The following PI4KA variants were observed in gnomAD, a reference collection of about 807,000 sequenced individuals.
PI4KA encodes PI4-kinase alpha.
PI4KA carries 122 observed loss-of-function variants against 271.4 expected under a neutral mutation model. That is an observed-to-expected ratio of 0.45 (90% CI 0.39 to 0.52). The LOEUF (loss-of-function observed/expected upper bound fraction) is 0.52, where lower values mean the gene tolerates loss of function less well. PI4KA is among the 20% of genes least tolerant of loss of function. The pLI is 0.00. For synonymous variants in PI4KA, 1,041 were observed against 1,078.8 expected, an observed-to-expected ratio of 0.96 and a Z score of 0.69; for missense variants, 1,969 against 2,769.1, an observed-to-expected ratio of 0.71 and a Z score of 6.48.
At chr22:20,804,572 C>A (rs554494948) in intron 11 of PI4KA, among the ~76,000 whole-genome samples, 172 bp from the exon 12 acceptor site, 1 of 152,310 alleles carries the variant, frequency 6.6e-6, no homozygotes, top group South Asian at 2.1e-4. Context: ...CTCTTCTCCG[C>A]TGGCCCTAAG....
intron 47 of PI4KA, 96 bp from the exon 48 acceptor site, chr22:20,713,486 C>T (rs1461514439): frequency 1.5e-5 from 14 of 937,242 alleles, no homozygotes; most frequent in South Asian, 1.5e-4. Flanking sequence ...TGAAAGGAAC[C>T]CCAGCAATCT....
At chr22:20,819,484 T>C (rs1345688665) in intron 6 of PI4KA, among the ~76,000 whole-genome samples, 157 bp downstream of exon 6, 2 of 152,084 alleles carry the variant, frequency 1.3e-5, no homozygotes, top group Non-Finnish European at 2.9e-5. Flanking sequence ...CCCAACATCT[T>C]AAGAGGGACA....
chr22:20,739,648 G>A (rs1929174695), intron 32 of PI4KA, among the ~76,000 whole-genome samples: 1 of 152,138 alleles, frequency 6.6e-6, no homozygotes, highest in East Asian at 1.9e-4. Context: ...TCAAATACAA[G>A]AACAGACCAG....
chr22:20,798,527 T>C lies in PI4KA; in HGVS notation c.2108+57A>G, dbSNP rs1352654087. The C allele has an allele frequency of 2.8e-6, 3 of 1,069,740 alleles. No homozygotes were observed. The African/African-American group carries it at 4.7e-5, about 17-fold the overall frequency. 66.3% of individuals were successfully genotyped at this position (1,069,740 alleles called of 1,614,324 possible). On this transcript the variant is annotated intron_variant, in intron 17 of 54. Transcript: ENST00000255882. ...AAGAGACAAATTCACAAACCTCACA[T>C]TTTTAAAGTAAGTTAAATACTGTCA... is the stretch of plus-strand genomic sequence containing the variant.
chr22:20,784,221 G>A (rs371383837), intron 19 of PI4KA: 14 of 1,614,156 alleles, frequency 8.7e-6, no homozygotes, highest in Non-Finnish European at 1.2e-5. Context: ...GTGGTGGAGA[G>A]ATGGCAAAAA....
intron 1 of PI4KA, among the ~76,000 whole-genome samples, chr22:20,853,264 C>T (rs918495504): frequency 2.0e-5 from 3 of 152,086 alleles, no homozygotes; most frequent in Non-Finnish European, 4.4e-5. Context: ...CTCTCGGTAT[C>T]CCAGGATCGA....
chr22:20,821,411 G>C (rs540265868), intron 4 of PI4KA, among the ~76,000 whole-genome samples: 277 of 151,806 alleles, frequency 1.8e-3, no homozygotes, highest in African/African-American at 6.7e-3. Context: ...GTACAGACAG[G>C]GTTTCACCAT....
intron 33 of PI4KA, 53 bp from the exon 34 acceptor site, chr22:20,734,247 T>G: frequency 6.8e-7 from 1 of 1,478,896 alleles, no homozygotes. Flanking sequence ...GGGCTAACCC[T>G]GGGGCCGGCA....
chr22:20,844,041 A>AGG lies in PI4KA; in HGVS notation c.157-5311_157-5310insCC, dbSNP rs1601609429. Among the ~76,000 whole-genome samples, 8 of 152,310 alleles carry AGG rather than the reference A, an allele frequency of 5.3e-5. No homozygotes were observed. The East Asian group carries it at 1.5e-3, about 29-fold the overall frequency. On this transcript the variant is annotated intron_variant, in intron 1 of 54. Coordinates refer to ENST00000255882, the MANE Select transcript of PI4KA (RefSeq NM_058004.4). ...TTCCAAGATCCATCTCAACTGTCTC[A>AGG]AAACTCTCAAACATTTTCCAGACCC...
At chr22:20,725,579 ACTCAGGGAGAAGATGG>A (rs774919438) in intron 42 of PI4KA, 1 of 450,086 alleles carries the variant, frequency 2.2e-6, no homozygotes, top group Non-Finnish European at 4.5e-6. Flanking sequence ...CCCTGTAAGG[ACTCAGGGAGAAGATGG>A]CTATCAATAA....
chr22:20,767,998 T>C (rs920073185), intron 19 of PI4KA, among the ~76,000 whole-genome samples: 4 of 149,706 alleles, frequency 2.7e-5, no homozygotes, highest in African/African-American at 7.3e-5. Flanking sequence ...AAAATTTTAA[T>C]TTAAAAGTAA....
intron 3 of PI4KA, among the ~76,000 whole-genome samples, chr22:20,833,463 G>C (rs1409053912): frequency 6.6e-6 from 1 of 152,134 alleles, no homozygotes; most frequent in East Asian, 1.9e-4. Context: ...AGTAGCAGTG[G>C]TGCACGGCCG....
intron 4 of PI4KA, among the ~76,000 whole-genome samples, chr22:20,823,784 CA>C (rs1923016334): frequency 1.3e-5 from 2 of 151,982 alleles, no homozygotes; most frequent in Admixed American, 1.3e-4. Flanking sequence ...ACAAAAAATA[CA>C]AAACAAATTA....
At position 20,765,625 on chromosome 22, in the gene PI4KA, C is replaced by T; in HGVS notation, c.2397G>A (p.Trp799Ter). The change falls in exon 20 of 55, where the codon TGG becomes TGA. Residue 799 changes from tryptophan (W) to a stop codon, truncating the protein, a stop_gained. Coordinates refer to ENST00000255882, the MANE Select transcript of PI4KA (RefSeq NM_058004.4). LOFTEE classifies it high-confidence loss of function. ...PRLQKLFRDF[W>*]LYSVLMGFAV... ...CGAATCCCATCAGAACGGAATACAG[C>T]CAGAAGTCTCGGAAGAGCTTCTGTA... 1.2e-6 allele frequency: 2 copies of T among 1,611,424 alleles called. No individual in the cohort carries two copies. The highest frequency in any genetic ancestry group is 1.7e-6 in the Non-Finnish European group (2 of 1,177,672).
At chr22:20,831,913 T>C (rs1204000585) in intron 3 of PI4KA, among the ~76,000 whole-genome samples, 4 of 152,140 alleles carry the variant, frequency 2.6e-5, no homozygotes, top group Non-Finnish European at 4.4e-5. Flanking sequence ...CTGAAATACG[T>C]TTTCCAAGTT....
intron 19 of PI4KA, among the ~76,000 whole-genome samples, chr22:20,789,962 C>T (rs1934523879): frequency 6.6e-6 from 1 of 152,196 alleles, no homozygotes; most frequent in South Asian, 2.1e-4. Flanking sequence ...CAGTGAAATA[C>T]ATGAATGTTT....
intron 43 of PI4KA, among the ~76,000 whole-genome samples, 176 bp from the exon 44 acceptor site, chr22:20,718,998 C>T (rs1048100722): frequency 6.6e-6 from 1 of 152,270 alleles, no homozygotes; most frequent in Non-Finnish European, 1.5e-5. Context: ...GCTGACGCTG[C>T]TGGGAAGCTA....
At chr22:20,838,867 G>C (rs912680063) in intron 1 of PI4KA, 136 bp from the exon 2 acceptor site, 1 of 601,038 alleles carries the variant, frequency 1.7e-6, no homozygotes, top group African/African-American at 1.9e-5. Flanking sequence ...AACTTGAGTT[G>C]GGAGTTTGAG....
At chr22:20,846,245 C>T (rs1344778480) in intron 1 of PI4KA, among the ~76,000 whole-genome samples, 4 of 81,902 alleles carry the variant, frequency 4.9e-5, no homozygotes, top group Non-Finnish European at 6.8e-5. Flanking sequence ...GCCTGGGCAA[C>T]AGAACAAGAC....
Sources: gnomAD v4.1 joint callset for allele counts (sites outside exome capture counted in the v4.1 genomes callset) on GRCh38, gnomAD v4.1.1 for gene constraint, MANE v1.5 for transcripts, NCBI Gene and HGNC (gene_info 2026-07-23, HGNC 2026-07-21) for gene names.